The following CA10 variants were observed in gnomAD, a reference collection of about 807,000 sequenced individuals.
The protein encoded by CA10 is carbonic anhydrase 10 (inactive), also known as carbonic anhydrase-related protein 10.
CA10 carries 14 observed loss-of-function variants against 44.2 expected under a neutral mutation model. The observed-to-expected ratio is 0.32, with a 90% CI of 0.21 to 0.50. CA10 has a LOEUF of 0.50. Ranked by LOEUF, CA10 falls within the 20% of genes least tolerant of loss-of-function variation. The probability of loss-of-function intolerance (pLI) is 0.99; values close to 1 mark genes in which losing one functional copy is unlikely to be tolerated. For synonymous variants in CA10, 159 were observed against 141.6 expected, an observed-to-expected ratio of 1.12 and a Z score of -0.87; for missense variants, 350 against 409.7, an observed-to-expected ratio of 0.85 and a Z score of 1.26.
At chr17:52,103,633 G>T (rs1239648437) in intron 1 of CA10, among the ~76,000 whole-genome samples, 4 of 152,188 alleles carry the variant, frequency 2.6e-5, no homozygotes, top group Non-Finnish European at 1.5e-5. Flanking sequence ...GTTTGATGCT[G>T]CAGCTAGGAT....
intron 3 of CA10, among the ~76,000 whole-genome samples, chr17:51,798,729 G>A (rs1384976558): frequency 6.6e-6 from 1 of 152,198 alleles, no homozygotes; most frequent in East Asian, 1.9e-4. Context: ...AAAGGCAAGA[G>A]AAGTCAGAGA....
intron 2 of CA10, among the ~76,000 whole-genome samples, chr17:52,020,646 C>T (rs1182107319): frequency 6.6e-6 from 1 of 151,934 alleles, no homozygotes; most frequent in Non-Finnish European, 1.5e-5. Flanking sequence ...TTCTGCCTTC[C>T]ATAACTTTTA....
At chr17:52,072,775 T>C (rs1987719634) in intron 1 of CA10, among the ~76,000 whole-genome samples, 1 of 151,812 alleles carries the variant, frequency 6.6e-6, no homozygotes, top group African/African-American at 2.4e-5. Flanking sequence ...CCCATCCATG[T>C]ATGTCCATGG....
At chr17:51,697,122 A>G (rs1915429992) in intron 4 of CA10, among the ~76,000 whole-genome samples, 1 of 151,578 alleles carries the variant, frequency 6.6e-6, no homozygotes, top group East Asian at 1.9e-4. Flanking sequence ...GCTGAACTGT[A>G]CTAGTACCAT....
At chr17:51,988,963 G>A (rs182471527) in intron 2 of CA10, among the ~76,000 whole-genome samples, 229 of 151,688 alleles carry the variant, frequency 1.5e-3, no homozygotes, top group Non-Finnish European at 2.7e-3. Flanking sequence ...CACACTTATA[G>A]CACATCTCAA....
chr17:51,994,530 G>C (rs1403262597), intron 2 of CA10, among the ~76,000 whole-genome samples: 1 of 151,994 alleles, frequency 6.6e-6, no homozygotes, highest in Non-Finnish European at 1.5e-5. Context: ...TTTAGGAGAG[G>C]TAGGCTGGAA....
intron 3 of CA10, among the ~76,000 whole-genome samples, chr17:51,879,862 C>A (rs191499704): frequency 1.3e-5 from 2 of 152,252 alleles, no homozygotes; most frequent in East Asian, 3.9e-4. Flanking sequence ...CTTCACTGAC[C>A]AATGGCACTC....
intron 2 of CA10, among the ~76,000 whole-genome samples, chr17:51,962,234 G>A (rs930289472): frequency 2.0e-5 from 3 of 152,246 alleles, no homozygotes; most frequent in Admixed American, 1.3e-4. Flanking sequence ...CCTGAATCAG[G>A]AGTTTAGGCT....
chr17:52,010,421 C>T (rs1240831437), intron 2 of CA10, among the ~76,000 whole-genome samples: 2 of 151,824 alleles, frequency 1.3e-5, no homozygotes, highest in African/African-American at 2.4e-5. Context: ...CATACACATA[C>T]ACCATGGAAT....
intron 3 of CA10, among the ~76,000 whole-genome samples, chr17:51,857,031 T>C (rs1286702537): frequency 1.3e-5 from 2 of 152,196 alleles, no homozygotes; most frequent in South Asian, 4.1e-4. Context: ...TTATATGCAG[T>C]GCAGAGCAAT....
At position 51,825,197 on chromosome 17, in the gene CA10, T is replaced by G. The variant is rs149702347; in HGVS notation, c.280-77379A>C. ...TTTTCCTGTTGACTGTGTGTCCACA[T>G]GTGTAAGAAAAGAAGAGGATTAAAG... On this transcript the variant is annotated intron_variant, in intron 3 of 8. Transcript: ENST00000451037. Among the ~76,000 whole-genome samples, 32 of 152,316 alleles carry G rather than the reference T, an allele frequency of 2.1e-4. 1 individual carries two copies. Among genetic ancestry groups the G allele is most frequent in the African/African-American group, 7.5e-4 (31 of 41,582 alleles).
chr17:52,127,925 C>T lies in CA10; in HGVS notation c.61+29801G>A, dbSNP rs375448113. Among the ~76,000 whole-genome samples, 14 of 151,670 alleles carry T rather than the reference C, an allele frequency of 9.2e-5. No individual in the cohort carries two copies. In the East Asian group the frequency reaches 2.3e-3, roughly 25 times the overall value. On this transcript the variant is annotated intron_variant, in intron 1 of 8. Transcript: ENST00000451037. ...ATAACAACTACCGTTGATTAACTGA[C>T]ACACACTTTGGATGTACTATCTCAA...
chr17:51,738,520 A>G (rs1916987013), intron 4 of CA10, among the ~76,000 whole-genome samples: 1 of 152,322 alleles, frequency 6.6e-6, no homozygotes, highest in Non-Finnish European at 1.5e-5. Context: ...TTAAGACACT[A>G]TATTTTAGTC....
Position 52,059,131 on chromosome 17 carries a change from TAGAG to T in CA10, c.136+13184_136+13187del, listed in dbSNP as rs1213038891. Among the ~76,000 whole-genome samples the T allele has an allele frequency of 7.2e-5, 11 of 152,258 alleles. 1 individual carries two copies. The highest frequency in any genetic ancestry group is 4.1e-4 in the South Asian group (2 of 4,824). On this transcript the variant is annotated intron_variant, in intron 2 of 8. Transcript: ENST00000451037. ...TCTTAGAGATGAAAAATCAGAAATC[TAGAG>T]AGAGAGACTTGCATCACTGCCTCCA...
intron 2 of CA10, among the ~76,000 whole-genome samples, chr17:52,041,034 C>T (rs1399865819): frequency 6.6e-6 from 1 of 151,960 alleles, no homozygotes; most frequent in Non-Finnish European, 1.5e-5. Flanking sequence ...CATGAAAGGG[C>T]ATGGTCTTGG....
intron 2 of CA10, among the ~76,000 whole-genome samples, chr17:51,944,184 G>A (rs139168159): frequency 2.9e-4 from 44 of 152,294 alleles, no homozygotes; most frequent in African/African-American, 9.4e-4. Flanking sequence ...TAAAATGAAC[G>A]GTCATAATGG....
chr17:51,721,215 C>T (rs1916338935), intron 4 of CA10, among the ~76,000 whole-genome samples: 1 of 152,038 alleles, frequency 6.6e-6, no homozygotes, highest in African/African-American at 2.4e-5. Context: ...GCCTGTGATC[C>T]CAGCTACTGG....
chr17:51,743,453 A>G (rs1376952687), intron 4 of CA10, among the ~76,000 whole-genome samples: 1 of 152,230 alleles, frequency 6.6e-6, no homozygotes. Flanking sequence ...TGAATCCCTG[A>G]ATGTGCTCAT....
intron 4 of CA10, among the ~76,000 whole-genome samples, chr17:51,739,820 C>A (rs909757864): frequency 6.6e-6 from 1 of 152,144 alleles, no homozygotes; most frequent in Non-Finnish European, 1.5e-5. Flanking sequence ...TTCTCGAAGG[C>A]CAGTTTGCTC....
Sources: gnomAD v4.1 joint callset for allele counts (sites outside exome capture counted in the v4.1 genomes callset) on GRCh38, gnomAD v4.1.1 for gene constraint, MANE v1.5 for transcripts, NCBI Gene and HGNC (gene_info 2026-07-23, HGNC 2026-07-21) for gene names.